Variants in ASRGL1 observed in about 807,000 individuals in gnomAD.
ASRGL1 encodes asparaginase and isoaspartyl peptidase 1.
Under a neutral mutation model 22.4 loss-of-function variants are expected in ASRGL1, and 16 were observed. The ratio of observed to expected loss-of-function variants is 0.71; its 90% CI spans 0.48 to 1.08. The LOEUF is 1.08. Among genes scored for constraint, ASRGL1 ranks in the 50% least tolerant of loss-of-function variants. The probability of loss-of-function intolerance (pLI) is 0.00; values close to 1 mark genes in which losing one functional copy is unlikely to be tolerated. For synonymous variants in ASRGL1, 165 were observed against 159.3 expected, an observed-to-expected ratio of 1.04 and a Z score of -0.27; for missense variants, 412 against 410.1, an observed-to-expected ratio of 1.00 and a Z score of -0.04.
chr11:62,339,626 A>C (rs905182443), intron 2 of ASRGL1, among the ~76,000 whole-genome samples: 1 of 152,218 alleles, frequency 6.6e-6, no homozygotes, highest in African/African-American at 2.4e-5. Flanking sequence ...CTTGTGTTAA[A>C]CTAACTCAAG....
intron 5 of ASRGL1, among the ~76,000 whole-genome samples, chr11:62,390,983 T>C (rs763873725): frequency 1.3e-5 from 2 of 152,172 alleles, no homozygotes; most frequent in Non-Finnish European, 2.9e-5. Flanking sequence ...TCAAAGTAGC[T>C]TTCACTCCAG....
intron 2 of ASRGL1, among the ~76,000 whole-genome samples, chr11:62,350,874 A>T (rs1207315438): frequency 6.6e-6 from 1 of 152,206 alleles, no homozygotes; most frequent in African/African-American, 2.4e-5. Context: ...CATGTTATAT[A>T]ATTACTGATA....
chr11:62,392,467 C>T lies in ASRGL1; in HGVS notation c.*183C>T, dbSNP rs984301758. ...GGGTTCTGAAGCGATGAGAGAAATG[C>T]CCGTATTAGGAGGATTACTTGAGCC... On this transcript the variant is annotated 3_prime_UTR_variant, in exon 7 of 7. Coordinates refer to ENST00000415229, the MANE Select transcript of ASRGL1 (RefSeq NM_001083926.2). 2 of 700,088 alleles carry T rather than the reference C, an allele frequency of 2.9e-6. No individual in the cohort carries two copies. The highest frequency in any genetic ancestry group is 1.8e-5 in the African/African-American group (1 of 55,762). 43.4% of individuals were successfully genotyped at this position (700,088 alleles called of 1,614,324 possible). A position where few individuals can be genotyped will look rare whatever the true frequency, so the allele number is the denominator to read the frequency against.
chr11:62,362,281 A>G (rs1322655287), intron 4 of ASRGL1, among the ~76,000 whole-genome samples: 1 of 151,178 alleles, frequency 6.6e-6, no homozygotes, highest in Non-Finnish European at 1.5e-5. Flanking sequence ...GAGAATACCA[A>G]CGAAATGCTG....
At chr11:62,384,461 G>A (rs971624893) in intron 4 of ASRGL1, among the ~76,000 whole-genome samples, 42 of 152,064 alleles carry the variant, frequency 2.8e-4, no homozygotes, top group East Asian at 7.7e-4. Flanking sequence ...CTGAGATGGC[G>A]CCACTGCATT....
intron 4 of ASRGL1, among the ~76,000 whole-genome samples, chr11:62,387,009 C>T (rs1463591224): frequency 6.6e-6 from 1 of 151,908 alleles, no homozygotes; most frequent in Non-Finnish European, 1.5e-5. Flanking sequence ...TCTTCTGCCT[C>T]AGCCTCCCAA....
At chr11:62,343,691 G>A (rs977350404) in intron 2 of ASRGL1, among the ~76,000 whole-genome samples, 4 of 133,334 alleles carry the variant, frequency 3.0e-5, no homozygotes, top group Admixed American at 1.8e-4. Flanking sequence ...TGGCGCCACT[G>A]CACTCCAGTC....
intron 2 of ASRGL1, among the ~76,000 whole-genome samples, chr11:62,347,849 C>T (rs1354740172): frequency 2.0e-5 from 3 of 152,124 alleles, no homozygotes; most frequent in Non-Finnish European, 4.4e-5. Context: ...ATTGCTTGAA[C>T]CCAGGAGGCA....
chr11:62,375,326 C>T (rs1946885807), intron 4 of ASRGL1, among the ~76,000 whole-genome samples: 1 of 150,490 alleles, frequency 6.6e-6, no homozygotes, highest in African/African-American at 2.4e-5. Flanking sequence ...GGTCTTCTAG[C>T]TCAGGAAAAA....
At chr11:62,352,242 C>A (rs907707588) in intron 2 of ASRGL1, among the ~76,000 whole-genome samples, 8 of 152,094 alleles carry the variant, frequency 5.3e-5, no homozygotes, top group Non-Finnish European at 1.0e-4. Context: ...AAGAAGAGGT[C>A]ATGGAGCAGT....
intron 2 of ASRGL1, among the ~76,000 whole-genome samples, chr11:62,354,687 G>A (rs533145830): frequency 1.3e-5 from 2 of 152,206 alleles, no homozygotes; most frequent in South Asian, 2.1e-4. Context: ...CCCTCTGAAG[G>A]ACAGAGTGGG....
intron 2 of ASRGL1, among the ~76,000 whole-genome samples, chr11:62,350,568 G>C (rs1946144397): frequency 6.6e-6 from 1 of 152,218 alleles, no homozygotes; most frequent in African/African-American, 2.4e-5. Flanking sequence ...GGCCAAGGCA[G>C]ATGGATCACT....
intron 2 of ASRGL1, among the ~76,000 whole-genome samples, chr11:62,342,542 A>G (rs1166752351): frequency 1.3e-5 from 2 of 152,190 alleles, no homozygotes; most frequent in African/African-American, 4.8e-5. Flanking sequence ...GGATCATTTG[A>G]GACTAGGAGT....
intron 4 of ASRGL1, among the ~76,000 whole-genome samples, chr11:62,384,595 C>T (rs1473502199): frequency 1.3e-5 from 2 of 151,386 alleles, no homozygotes; most frequent in African/African-American, 4.9e-5. Context: ...TTCTAGTTGA[C>T]TGTAATCATA....
chr11:62,376,082 C>G lies in ASRGL1; in HGVS notation c.492-13051C>G, dbSNP rs1163563536. On this transcript the variant is annotated intron_variant, in intron 4 of 6. Transcript: ENST00000415229. ...GCACCACTGCACTCCAGCCTGGTGA[C>G]GGAGCAAGACTCCATCTCAAAAAAA... is the stretch of plus-strand genomic sequence containing the variant. 2.5e-5 allele frequency among the ~76,000 whole-genome samples: 3 copies of G among 119,368 alleles called. No individual in the cohort carries two copies. The South Asian group carries it at 8.1e-4, about 32-fold the overall frequency. The allele number at this position is 119,368 out of a possible 152,430, so 78.3% of individuals were successfully genotyped here. A position where few individuals can be genotyped will look rare whatever the true frequency, so the allele number is the denominator to read the frequency against.
chr11:62,388,245 G>A (rs1947259065), intron 4 of ASRGL1, among the ~76,000 whole-genome samples: 1 of 152,202 alleles, frequency 6.6e-6, no homozygotes, highest in South Asian at 2.1e-4. Context: ...CATCATAGGT[G>A]GCACATGACT....
At chr11:62,379,846 G>T (rs1319796973) in intron 4 of ASRGL1, among the ~76,000 whole-genome samples, 1 of 152,152 alleles carries the variant, frequency 6.6e-6, no homozygotes, top group Non-Finnish European at 1.5e-5. Context: ...CCAGTTTGTT[G>T]CAGGGCCTGA....
At position 62,392,534 on chromosome 11, in the gene ASRGL1, A is replaced by C. The variant is rs1220292624; in HGVS notation, c.*250A>C. ...AGGTGAGCCATGATTACTCCACTGCACTCCAGCCTGGGCAACAGAGCCAGG... is the reference window on the plus strand; with the variant it reads ...AGGTGAGCCATGATTACTCCACTGCCCTCCAGCCTGGGCAACAGAGCCAGG... On this transcript the variant is annotated 3_prime_UTR_variant, in exon 7 of 7. Transcript: ENST00000415229. The C allele has an allele frequency of 9.6e-6, 5 of 522,840 alleles. No individual in the cohort carries two copies. Among genetic ancestry groups the C allele is most frequent in the Non-Finnish European group, 6.9e-6 (2 of 291,660 alleles). The allele number at this position is 522,840 out of a possible 1,614,324, so 32.4% of individuals were successfully genotyped here.
intron 4 of ASRGL1, among the ~76,000 whole-genome samples, chr11:62,377,469 A>G (rs181053887): frequency 2.0e-5 from 3 of 152,334 alleles, no homozygotes; most frequent in Non-Finnish European, 2.9e-5. Flanking sequence ...GAGCCGATTG[A>G]TAATGAGTTT....
Sources: allele counts gnomAD v4.1 joint callset (sites outside exome capture counted in the v4.1 genomes callset), GRCh38; gene constraint gnomAD v4.1.1; transcripts MANE v1.5; gene names NCBI Gene and HGNC (gene_info 2026-07-23, HGNC 2026-07-21).